The following SLC12A8 variants were observed in gnomAD, a reference collection of about 807,000 sequenced individuals.
SLC12A8 encodes cation-chloride cotransporter 9.
In SLC12A8, 69 loss-of-function variants were observed where a neutral mutation model predicts 75.6. That is an observed-to-expected ratio of 0.91 (90% confidence interval 0.75 to 1.11). The LOEUF is 1.11. SLC12A8 is among the 50% of genes most tolerant of loss of function. SLC12A8 has a pLI of 0.00. For synonymous variants in SLC12A8, 365 were observed against 372.8 expected (o/e 0.98, Z 0.24); for missense variants, 877 against 896.7 (o/e 0.98, Z 0.28).
intron 12 of SLC12A8, among the ~76,000 whole-genome samples, chr3:125,089,247 A>T (rs1383422850): frequency 1.3e-5 from 2 of 152,224 alleles, no homozygotes; most frequent in Non-Finnish European, 2.9e-5. Flanking sequence ...TAAAGGGAAG[A>T]TAAATTTTAG....
intron 5 of SLC12A8, among the ~76,000 whole-genome samples, 180 bp downstream of exon 5, chr3:125,177,563 T>A (rs546190024): frequency 3.3e-5 from 5 of 151,966 alleles, no homozygotes; most frequent in South Asian, 4.2e-4. Context: ...AAGAGGAGCT[T>A]CTAGCCTCAT....
intron 2 of SLC12A8, among the ~76,000 whole-genome samples, chr3:125,193,437 A>G (rs896646855): frequency 2.6e-5 from 4 of 152,120 alleles, no homozygotes; most frequent in Non-Finnish European, 5.9e-5. Flanking sequence ...GGCTCGCCAC[A>G]TTTGTGATGC....
chr3:125,169,363 G>A (rs1934358567), intron 5 of SLC12A8, among the ~76,000 whole-genome samples: 1 of 152,170 alleles, frequency 6.6e-6, no homozygotes, highest in African/African-American at 2.4e-5. Flanking sequence ...GATGGGACAG[G>A]AGGTGAAGAA....
intron 6 of SLC12A8, among the ~76,000 whole-genome samples, chr3:125,126,701 G>A (rs1209510305): frequency 6.6e-6 from 1 of 152,172 alleles, no homozygotes; most frequent in African/African-American, 2.4e-5. Context: ...TCTTTCTCAA[G>A]GAACTTCCAA....
At chr3:125,190,104 C>G (rs932186592) in intron 3 of SLC12A8, among the ~76,000 whole-genome samples, 2 of 152,242 alleles carry the variant, frequency 1.3e-5, no homozygotes, top group Non-Finnish European at 2.9e-5. Flanking sequence ...TGACCCATCT[C>G]AAGTCCGGCT....
chr3:125,109,067 C>T (rs1380881160), intron 9 of SLC12A8, among the ~76,000 whole-genome samples: 1 of 152,190 alleles, frequency 6.6e-6, no homozygotes, highest in East Asian at 1.9e-4. Flanking sequence ...TCTTCTTTAA[C>T]CCAGCTGGCT....
At chr3:125,205,680 T>TTG (rs1935214099) in intron 2 of SLC12A8, among the ~76,000 whole-genome samples, 1 of 152,220 alleles carries the variant, frequency 6.6e-6, no homozygotes, top group African/African-American at 2.4e-5. Flanking sequence ...GCCTTTAAAG[T>TTG]TGCTTCCGTC....
chr3:125,089,056 T>C (rs1030711621), intron 12 of SLC12A8, among the ~76,000 whole-genome samples: 1 of 152,226 alleles, frequency 6.6e-6, no homozygotes, highest in Non-Finnish European at 1.5e-5. Flanking sequence ...TCAAATGTGA[T>C]TTTAGAAAAT....
intron 5 of SLC12A8, among the ~76,000 whole-genome samples, chr3:125,149,333 T>C (rs1288932507): frequency 6.6e-6 from 1 of 152,220 alleles, no homozygotes; most frequent in African/African-American, 2.4e-5. Context: ...TAGAGACAGC[T>C]GGGTTTTGGG....
intron 2 of SLC12A8, among the ~76,000 whole-genome samples, chr3:125,207,875 T>A (rs1450734079): frequency 6.6e-6 from 1 of 152,200 alleles, no homozygotes; most frequent in Non-Finnish European, 1.5e-5. Context: ...CTTCATCCAA[T>A]CATCAAATGA....
At position 125,173,657 on chromosome 3, in the gene SLC12A8, C is replaced by T. The variant is rs77285560; in HGVS notation, c.622+4086G>A. ...CACGGAAAAACACTGATAAGATAGACTCCATTACAGTTTAAAACTTCTGCT... is the reference window on the plus strand; with the variant it reads ...CACGGAAAAACACTGATAAGATAGATTCCATTACAGTTTAAAACTTCTGCT... On this transcript the variant is annotated intron_variant, in intron 5 of 13. Transcript: ENST00000469902. Among the ~76,000 whole-genome samples, 455 of 152,264 alleles carry T rather than the reference C, an allele frequency of 3.0e-3. 8 individuals are homozygous for T. The East Asian group carries it at 0.039, about 13-fold the overall frequency.
At chr3:125,166,119 C>A (rs976444514) in intron 5 of SLC12A8, among the ~76,000 whole-genome samples, 2 of 152,152 alleles carry the variant, frequency 1.3e-5, no homozygotes, top group African/African-American at 4.8e-5. Flanking sequence ...TCCCATGCTG[C>A]GGGGCGCTTT....
At chr3:125,149,524 AG>A (rs1933867528) in intron 5 of SLC12A8, among the ~76,000 whole-genome samples, 1 of 152,240 alleles carries the variant, frequency 6.6e-6, no homozygotes, top group Admixed American at 6.5e-5. Context: ...TCAAGGAACA[AG>A]GATGCCTAAA....
chr3:125,107,517 G>A lies in SLC12A8; in HGVS notation c.1669C>T (p.Pro557Ser). 1 of 1,613,586 alleles carries A rather than the reference G, an allele frequency of 6.2e-7. No individual in the cohort carries two copies. ...PEGTYGEQLV[P>S]ELCNQSESSG... ...GACTCTGATTGGTTGCACAGCTCAG[G>A]AACAAGTTGCTCTCCATATGTTCCC... The change falls in exon 10 of 14, where the codon CCT becomes TCT. Residue 557 changes from proline (P) to serine (S), a missense_variant. Physicochemically the swap from Pro to Ser is moderately conservative, Grantham distance 74. Transcript: ENST00000469902.
intron 7 of SLC12A8, chr3:125,119,093 A>G (rs1466549649): frequency 1.1e-5 from 4 of 374,050 alleles, no homozygotes; most frequent in African/African-American, 6.2e-5. Context: ...TTTTAAATAT[A>G]TATAAAAATA....
At chr3:125,206,357 T>C (rs1935226041) in intron 2 of SLC12A8, among the ~76,000 whole-genome samples, 1 of 152,196 alleles carries the variant, frequency 6.6e-6, no homozygotes, top group Non-Finnish European at 1.5e-5. Flanking sequence ...AGTCACTCAA[T>C]ATTTACGTCC....
intron 2 of SLC12A8, among the ~76,000 whole-genome samples, chr3:125,204,996 G>A (rs182626226): frequency 2.6e-4 from 40 of 152,234 alleles, no homozygotes; most frequent in African/African-American, 9.6e-4. Context: ...CCAATGCTGA[G>A]TCTATACCAC....
intron 3 of SLC12A8, 54 bp from the exon 4 acceptor site, chr3:125,187,482 CTCCCT>C: frequency 6.5e-7 from 1 of 1,546,264 alleles, no homozygotes; most frequent in Non-Finnish European, 8.8e-7. Flanking sequence ...GCCCCGCCAG[CTCCCT>C]GCTGGGGGCA....
chr3:125,120,669 T>G lies in SLC12A8; in HGVS notation c.754A>C (p.Asn252His). ...PAATGVMAGF[N>H]MGGDLREPAA... ...GGCTCCCTGAGGTCGCCCCCCATGTTGAAGCCGGCCATGACTCCTGAAAGA... is the reference window on the plus strand; with the variant it reads ...GGCTCCCTGAGGTCGCCCCCCATGTGGAAGCCGGCCATGACTCCTGAAAGA... Residue 252 changes from asparagine (N) to histidine (H), a missense_variant, in exon 7 of 14, where the codon AAC becomes CAC. Coordinates refer to ENST00000469902, the MANE Select transcript of SLC12A8 (RefSeq NM_024628.6). 6.2e-7 allele frequency: 1 copy of G among 1,613,694 alleles called. No homozygotes were observed. The highest frequency in any genetic ancestry group is 8.5e-7 in the Non-Finnish European group (1 of 1,179,906).
Sources: gnomAD v4.1 joint callset for allele counts (sites outside exome capture counted in the v4.1 genomes callset) on GRCh38, gnomAD v4.1.1 for gene constraint, MANE v1.5 for transcripts, NCBI Gene and HGNC (gene_info 2026-07-23, HGNC 2026-07-21) for gene names.